The following TRAF3 variants were observed in gnomAD, a reference collection of about 807,000 sequenced individuals.
The protein encoded by TRAF3 is TNF receptor-associated factor 3.
Under a neutral mutation model 62.3 loss-of-function variants are expected in TRAF3, and 13 were observed. That is an observed-to-expected ratio of 0.21 (90% CI 0.14 to 0.33). The LOEUF (loss-of-function observed/expected upper bound fraction) is 0.33. Among genes scored for constraint, TRAF3 ranks in the 10% least tolerant of loss-of-function variants. TRAF3 has a pLI of 1.00. For missense variants in TRAF3, 440 were observed against 741.8 expected (o/e 0.59, Z 4.73); for synonymous variants, 269 against 283.4 (o/e 0.95, Z 0.51).
chr14:102,900,179 G>GAAAA (rs1566807952), intron 10 of TRAF3, among the ~76,000 whole-genome samples: 12,711 of 83,384 alleles, frequency 0.15, 4,273 homozygotes, highest in African/African-American at 0.61. Flanking sequence ...ACTCCGTCTC[G>GAAAA]GAAAAAAAAA....
chr14:102,815,504 C>T (rs1011470299), intron 1 of TRAF3, among the ~76,000 whole-genome samples: 6 of 152,152 alleles, frequency 3.9e-5, no homozygotes, highest in African/African-American at 1.4e-4. Context: ...GTAGTTAGGA[C>T]TACAGTGCAT....
At chr14:102,824,350 G>T (rs1900165454) in intron 1 of TRAF3, among the ~76,000 whole-genome samples, 1 of 152,174 alleles carries the variant, frequency 6.6e-6, no homozygotes, top group Non-Finnish European at 1.5e-5. Flanking sequence ...GTCATGAAAT[G>T]GTCTTATCCT....
At chr14:102,805,150 G>A in intron 1 of TRAF3, among the ~76,000 whole-genome samples, 1 of 152,124 alleles carries the variant, frequency 6.6e-6, no homozygotes, top group East Asian at 1.9e-4. Flanking sequence ...TAGATAATTA[G>A]CAACTAGTTT....
At chr14:102,837,791 C>T (rs1346816611) in intron 2 of TRAF3, among the ~76,000 whole-genome samples, 1 of 152,132 alleles carries the variant, frequency 6.6e-6, no homozygotes, top group African/African-American at 2.4e-5. Context: ...TCAAAGTCAG[C>T]AAAAATACTA....
chr14:102,805,387 G>A (rs1272147826), intron 1 of TRAF3, among the ~76,000 whole-genome samples: 1 of 152,224 alleles, frequency 6.6e-6, no homozygotes, highest in African/African-American at 2.4e-5. Context: ...TCACTTTTCT[G>A]TGGAGAGCGA....
chr14:102,891,464 CA>C, intron 9 of TRAF3, 47 bp downstream of exon 9: 1 of 1,560,058 alleles, frequency 6.4e-7, no homozygotes, highest in Middle Eastern at 1.7e-4. Context: ...ATCATCTCTT[CA>C]GATTATTTAA....
intron 8 of TRAF3, 53 bp from the exon 9 acceptor site, chr14:102,891,272 C>A: frequency 6.5e-7 from 1 of 1,543,652 alleles, no homozygotes; most frequent in Non-Finnish European, 8.8e-7. Context: ...AGCCGTTCTG[C>A]CCTTTGAAAT....
intron 2 of TRAF3, among the ~76,000 whole-genome samples, chr14:102,855,304 GTTTC>G (rs770679788): frequency 1.3e-4 from 20 of 152,246 alleles, no homozygotes; most frequent in Non-Finnish European, 2.2e-4. Flanking sequence ...GTATACATGT[GTTTC>G]TTTGAGTACC....
intron 1 of TRAF3, among the ~76,000 whole-genome samples, chr14:102,787,437 G>T (rs1265385573): frequency 3.3e-5 from 5 of 151,958 alleles, no homozygotes; most frequent in Admixed American, 2.0e-4. Flanking sequence ...AACACTTTGG[G>T]TGGCTGAGGT....
intron 2 of TRAF3, among the ~76,000 whole-genome samples, chr14:102,849,520 A>G (rs755646861): frequency 2.0e-4 from 30 of 152,218 alleles, no homozygotes; most frequent in Non-Finnish European, 3.4e-4. Flanking sequence ...GCCCCAAATA[A>G]CTATTGTTTT....
At chr14:102,795,631 A>G (rs1222635556) in intron 1 of TRAF3, among the ~76,000 whole-genome samples, 1 of 59,202 alleles carries the variant, frequency 1.7e-5, no homozygotes, top group African/African-American at 5.1e-5. Context: ...CATAGTTTTC[A>G]TCCATTGTTT....
chr14:102,816,860 G>A (rs1899560092), intron 1 of TRAF3, among the ~76,000 whole-genome samples: 1 of 152,234 alleles, frequency 6.6e-6, no homozygotes, highest in African/African-American at 2.4e-5. Flanking sequence ...GGAAGCATTT[G>A]CTGCACTTCT....
intron 9 of TRAF3, among the ~76,000 whole-genome samples, 169 bp from the exon 10 acceptor site, chr14:102,897,079 GGAAAAAAAAGAAA>G (rs1014763079): frequency 6.6e-6 from 1 of 151,638 alleles, no homozygotes; most frequent in African/African-American, 2.4e-5. Flanking sequence ...TCTCTAGAGG[GGAAAAAAAAGAAA>G]GAAAGAAAAG....
chr14:102,860,039 AATCAGCCCTTTCTGAG>A (rs1353322057), intron 2 of TRAF3, among the ~76,000 whole-genome samples: 1 of 152,228 alleles, frequency 6.6e-6, no homozygotes, highest in Non-Finnish European at 1.5e-5. Flanking sequence ...ACCCAGAGCC[AATCAGCCCTTTCTGAG>A]ATCAGCCCAT....
At chr14:102,875,881 C>T (rs994068298) in intron 5 of TRAF3, among the ~76,000 whole-genome samples, 153 bp downstream of exon 5, 3 of 152,106 alleles carry the variant, frequency 2.0e-5, no homozygotes, top group Non-Finnish European at 4.4e-5. Context: ...GTCAGAACCA[C>T]TTGAGTATAA....
At chr14:102,833,705 G>A (rs1335813384) in intron 2 of TRAF3, among the ~76,000 whole-genome samples, 2 of 152,076 alleles carry the variant, frequency 1.3e-5, no homozygotes, top group African/African-American at 2.4e-5. Flanking sequence ...AAAAATATTC[G>A]GGCATGTGGC....
intron 7 of TRAF3, 93 bp downstream of exon 7, chr14:102,886,362 C>T (rs1202907531): frequency 8.7e-6 from 10 of 1,152,236 alleles, no homozygotes; most frequent in Non-Finnish European, 1.3e-5. Flanking sequence ...CTCACGTTTT[C>T]CCAGTTCGTG....
chr14:102,809,752 A>G (rs1430658661), intron 1 of TRAF3, among the ~76,000 whole-genome samples: 7 of 151,224 alleles, frequency 4.6e-5, no homozygotes, highest in Non-Finnish European at 1.0e-4. Flanking sequence ...GGATGGTCTC[A>G]ATCTCCTGAC....
intron 4 of TRAF3, among the ~76,000 whole-genome samples, chr14:102,873,285 C>CT (rs1888448508): frequency 6.6e-6 from 1 of 152,106 alleles, no homozygotes; most frequent in African/African-American, 2.4e-5. Context: ...GGCCCTGTAC[C>CT]TTTTCTTTCT....
Sources: allele counts gnomAD v4.1 joint callset (sites outside exome capture counted in the v4.1 genomes callset), GRCh38; gene constraint gnomAD v4.1.1; transcripts MANE v1.5; gene names NCBI Gene and HGNC (gene_info 2026-07-23, HGNC 2026-07-21).